ADAM2: variants seen among roughly 807,000 people sequenced by gnomAD.
ADAM2 encodes the protein ADAM metallopeptidase domain 2.
ADAM2 carries 101 observed loss-of-function variants against 99.3 expected under a neutral mutation model. The ratio of observed to expected loss-of-function variants is 1.02; its 90% confidence interval spans 0.87 to 1.20. The LOEUF is 1.20. ADAM2 is among the 50% of genes most tolerant of loss of function. The pLI is 0.00. For missense variants in ADAM2, 948 were observed against 878.7 expected (o/e 1.08, Z -1.00); for synonymous variants, 323 against 287.6 (o/e 1.12, Z -1.25).
At chr8:39,748,369 C>T (rs1018950418) in intron 18 of ADAM2, among the ~76,000 whole-genome samples, 14 of 151,938 alleles carry the variant, frequency 9.2e-5, no homozygotes, top group African/African-American at 3.1e-4. Flanking sequence ...TTAATTGCAG[C>T]CAATGGGAAG....
At chr8:39,745,978 T>C (rs1823426409) in intron 19 of ADAM2, among the ~76,000 whole-genome samples, 1 of 150,858 alleles carries the variant, frequency 6.6e-6, no homozygotes, top group Non-Finnish European at 1.5e-5. Flanking sequence ...TGTGTATATA[T>C]GCATGTGTAT....
chr8:39,747,071 T>C (rs186079858), intron 18 of ADAM2, among the ~76,000 whole-genome samples: 2 of 152,354 alleles, frequency 1.3e-5, no homozygotes, highest in East Asian at 3.9e-4. Context: ...TTTTTTGTTG[T>C]CGTTTATTTT....
chr8:39,753,812 A>AACAC lies in ADAM2; in HGVS notation c.1797+1912_1797+1915dup, dbSNP rs34323295. Among the ~76,000 whole-genome samples, 382 of 150,652 alleles carry AACAC rather than the reference A, an allele frequency of 2.5e-3. 2 individuals are homozygous for AACAC. The highest frequency in any genetic ancestry group is 0.014 in the Middle Eastern group (4 of 290). ...TTTCACAGGACCTATAAAACAACAA[A>AACAC]ACACACACACACACACACTCACACA... On this transcript the variant is annotated intron_variant, in intron 16 of 20. Transcript: ENST00000265708.
chr8:39,826,495 G>T (rs573590395), intron 3 of ADAM2, among the ~76,000 whole-genome samples: 4 of 152,068 alleles, frequency 2.6e-5, no homozygotes, highest in African/African-American at 9.7e-5. Flanking sequence ...AAGCCGAGGC[G>T]GGTAGATCAC....
At chr8:39,745,549 T>C (rs959617149) in intron 19 of ADAM2, among the ~76,000 whole-genome samples, 1 of 152,102 alleles carries the variant, frequency 6.6e-6, no homozygotes, top group Non-Finnish European at 1.5e-5. Context: ...TGTATTTTTA[T>C]AGCACATATT....
chr8:39,749,286 T>A (rs1387952051), intron 18 of ADAM2, 26 bp downstream of exon 18: 1 of 1,561,278 alleles, frequency 6.4e-7, no homozygotes, highest in Non-Finnish European at 8.7e-7. Context: ...GTTTTAATTA[T>A]TTTCTGATTT....
chr8:39,762,309 C>T (rs1330734074), intron 14 of ADAM2, among the ~76,000 whole-genome samples: 1 of 152,134 alleles, frequency 6.6e-6, no homozygotes, highest in Non-Finnish European at 1.5e-5. Context: ...TTCATTTTGT[C>T]CCAGAGGTCA....
intron 6 of ADAM2, among the ~76,000 whole-genome samples, chr8:39,814,119 A>C (rs113057700): frequency 0.019 from 2,882 of 152,150 alleles, 98 homozygotes; most frequent in African/African-American, 0.066. Context: ...GCACTTTGGG[A>C]GGCCGAGGTG....
intron 7 of ADAM2, among the ~76,000 whole-genome samples, chr8:39,792,056 A>G (rs1049569199): frequency 6.6e-6 from 1 of 151,840 alleles, no homozygotes; most frequent in African/African-American, 2.4e-5. Context: ...AATATCACAC[A>G]ACACAGCAGT....
intron 3 of ADAM2, among the ~76,000 whole-genome samples, chr8:39,830,492 A>G (rs1403343461): frequency 6.6e-6 from 1 of 152,136 alleles, no homozygotes; most frequent in Non-Finnish European, 1.5e-5. Context: ...TTGCCAAAAA[A>G]TTTCCTGATT....
At chr8:39,782,509 G>A (rs1485032981) in intron 10 of ADAM2, among the ~76,000 whole-genome samples, 1 of 152,076 alleles carries the variant, frequency 6.6e-6, no homozygotes, top group Non-Finnish European at 1.5e-5. Flanking sequence ...AATCATGTGG[G>A]CCTAGATGTT....
At chr8:39,820,688 T>A (rs1461319296) in intron 6 of ADAM2, among the ~76,000 whole-genome samples, 1 of 152,182 alleles carries the variant, frequency 6.6e-6, no homozygotes, top group Non-Finnish European at 1.5e-5. Context: ...GGATGGCATT[T>A]GTGTTTGTTA....
chr8:39,760,328 T>TA (rs945611328), intron 15 of ADAM2, among the ~76,000 whole-genome samples: 43 of 151,988 alleles, frequency 2.8e-4, no homozygotes, highest in Admixed American at 3.3e-4. Flanking sequence ...TATTACATAT[T>TA]AAAAAAAACT....
Position 39,838,208 on chromosome 8 carries a change from C to A in ADAM2, c.-23G>T, listed in dbSNP as rs1197095685. 1.9e-6 allele frequency: 3 copies of A among 1,613,994 alleles called. No homozygotes were observed. Among genetic ancestry groups the A allele is most frequent in the East Asian group, 4.5e-5 (2 of 44,872 alleles). ...CATGGCTTGAAGTCCTGGGTCCCAG[C>A]CGGAATAATGGCAGTTGGTGGTTAC... On this transcript the variant is annotated 5_prime_UTR_variant, in exon 1 of 21. Transcript: ENST00000265708.
chr8:39,757,325 G>A (rs1329939907), intron 15 of ADAM2, among the ~76,000 whole-genome samples: 2 of 151,936 alleles, frequency 1.3e-5, no homozygotes, highest in African/African-American at 4.8e-5. Context: ...TGAAGACACC[G>A]GAATGTAACC....
chr8:39,822,569 T>A (rs75894649), intron 4 of ADAM2, among the ~76,000 whole-genome samples: 1 of 152,136 alleles, frequency 6.6e-6, no homozygotes, highest in East Asian at 1.9e-4. Flanking sequence ...TTGAAAAGTA[T>A]GTGTATACAC....
At chr8:39,803,031 A>G (rs889999828) in intron 7 of ADAM2, among the ~76,000 whole-genome samples, 3 of 152,158 alleles carry the variant, frequency 2.0e-5, no homozygotes, top group African/African-American at 7.2e-5. Flanking sequence ...GCTTGCAGCT[A>G]TCCCCCACAC....
chr8:39,766,673 GC>G (rs1303399959), intron 14 of ADAM2, among the ~76,000 whole-genome samples, 174 bp downstream of exon 14: 1 of 152,102 alleles, frequency 6.6e-6, no homozygotes, highest in Non-Finnish European at 1.5e-5. Flanking sequence ...CTCCCAAAGT[GC>G]TGGGATTACA....
intron 3 of ADAM2, among the ~76,000 whole-genome samples, chr8:39,825,293 A>G (rs1805354478): frequency 1.3e-5 from 2 of 152,226 alleles, no homozygotes; most frequent in Non-Finnish European, 2.9e-5. Context: ...ACCAAAGCAT[A>G]GGATTTTTAA....
Sources: allele counts gnomAD v4.1 joint callset (sites outside exome capture counted in the v4.1 genomes callset), GRCh38; gene constraint gnomAD v4.1.1; transcripts MANE v1.5; gene names NCBI Gene and HGNC (gene_info 2026-07-23, HGNC 2026-07-21).